R3HDM1: variants seen among roughly 807,000 people sequenced by gnomAD.
The protein encoded by R3HDM1 is R3H domain-containing protein 1.
A neutral mutation model predicts 141.1 loss-of-function variants in R3HDM1; 46 were observed. The observed-to-expected ratio is 0.33, with a 90% CI of 0.26 to 0.42. R3HDM1 has a LOEUF of 0.42. Among genes scored for constraint, R3HDM1 ranks in the 10% least tolerant of loss-of-function variants. The pLI, the probability that R3HDM1 is intolerant of heterozygous loss-of-function variation, is 1.00. For missense variants in R3HDM1, 1,184 were observed against 1,368.3 expected, an observed-to-expected ratio of 0.87 and a Z score of 2.12; for synonymous variants, 435 against 472.9, an observed-to-expected ratio of 0.92 and a Z score of 1.04.
intron 3 of R3HDM1, 153 bp downstream of exon 3, chr2:135,605,169 C>T (rs2059938100): frequency 1.7e-6 from 1 of 600,030 alleles, no homozygotes; most frequent in Non-Finnish European, 2.8e-6. Flanking sequence ...GTTGGATTAG[C>T]TTGCTGTGAG....
chr2:135,590,830 A>C, intron 1 of R3HDM1: 2 of 699,432 alleles, frequency 2.9e-6, no homozygotes, highest in Non-Finnish European at 1.8e-6. Flanking sequence ...GTTCTGCCTC[A>C]AGCTGTTTTT....
chr2:135,580,891 T>G (rs1398382108), intron 1 of R3HDM1, among the ~76,000 whole-genome samples: 1 of 152,182 alleles, frequency 6.6e-6, no homozygotes, highest in Non-Finnish European at 1.5e-5. Flanking sequence ...TTCTTCTAAT[T>G]CTTTGTCTTA....
intron 6 of R3HDM1, 116 bp downstream of exon 6, chr2:135,621,724 T>C (rs978641146): frequency 1.5e-6 from 2 of 1,333,974 alleles, no homozygotes; most frequent in African/African-American, 1.5e-5. Flanking sequence ...CAGAACAGAC[T>C]GGAAGGATGA....
At chr2:135,580,590 T>G (rs1706589099) in intron 1 of R3HDM1, among the ~76,000 whole-genome samples, 1 of 152,158 alleles carries the variant, frequency 6.6e-6, no homozygotes, top group South Asian at 2.1e-4. Flanking sequence ...AAGTGAAAAA[T>G]CTGTACATGT....
intron 1 of R3HDM1, among the ~76,000 whole-genome samples, chr2:135,577,414 CAAAAAAAAAAAAAA>C (rs35038268): frequency 3.1e-3 from 49 of 15,806 alleles, no homozygotes; most frequent in African/African-American, 7.2e-3. Flanking sequence ...ATTAAATGAC[CAAAAAAAAAAAAAA>C]AAAAAAAAAA....
At position 135,723,116 on chromosome 2, in the gene R3HDM1, T is replaced by A. The variant is rs527816115; in HGVS notation, c.3049+563T>A. On this transcript the variant is annotated intron_variant, in intron 26 of 26. Transcript: ENST00000683871. ...TGACATCAGTAGCTTAATTTTATTTTTTTTATTTATTTATTTATTTTTGAG... is the reference window on the plus strand; with the variant it reads ...TGACATCAGTAGCTTAATTTTATTTATTTTATTTATTTATTTATTTTTGAG... Among the ~76,000 whole-genome samples the A allele has an allele frequency of 5.3e-5, 8 of 152,194 alleles. No homozygotes were observed. In the East Asian group the frequency reaches 1.2e-3, roughly 22 times the overall value.
At chr2:135,631,601 TACTG>T in intron 7 of R3HDM1, 113 bp from the exon 8 acceptor site, 1 of 692,608 alleles carries the variant, frequency 1.4e-6, no homozygotes. Flanking sequence ...ATTGGGGTAA[TACTG>T]AATGTATAGT....
At chr2:135,565,598 G>A (rs888564749) in intron 1 of R3HDM1, 1 of 151,808 alleles carries the variant, frequency 6.6e-6, no homozygotes, top group Non-Finnish European at 1.5e-5. Flanking sequence ...TTCTTTGGCT[G>A]TTTCAGGTAT....
chr2:135,647,982 C>G (rs971356546), intron 16 of R3HDM1, among the ~76,000 whole-genome samples: 1 of 152,148 alleles, frequency 6.6e-6, no homozygotes, highest in Non-Finnish European at 1.5e-5. Context: ...ATAGTACTTT[C>G]CTTAATCCCC....
At chr2:135,561,255 T>C (rs961215420) in intron 1 of R3HDM1, 1 of 978,988 alleles carries the variant, frequency 1.0e-6, no homozygotes, top group South Asian at 4.7e-5. Context: ...ATTTTTCTCT[T>C]TTTAGTGAGC....
intron 22 of R3HDM1, 105 bp downstream of exon 22, chr2:135,709,641 G>A (rs1444547514): frequency 4.8e-5 from 64 of 1,327,180 alleles, no homozygotes; most frequent in Non-Finnish European, 6.6e-5. Flanking sequence ...GTGATGTGCT[G>A]AAATACACCC....
chr2:135,671,403 C>CT (rs995367304), intron 19 of R3HDM1, among the ~76,000 whole-genome samples: 1 of 151,832 alleles, frequency 6.6e-6, no homozygotes, highest in Non-Finnish European at 1.5e-5. Context: ...GAGTTTCGCT[C>CT]TTGTCGCCCA....
intron 1 of R3HDM1, among the ~76,000 whole-genome samples, chr2:135,574,025 C>T (rs1704772108): frequency 6.6e-6 from 1 of 151,566 alleles, no homozygotes; most frequent in South Asian, 2.1e-4. Flanking sequence ...AGGATAAAAG[C>T]AGAAATTAAT....
At chr2:135,622,094 G>A (rs2061563715) in intron 6 of R3HDM1, 1 of 982,402 alleles carries the variant, frequency 1.0e-6, no homozygotes, top group South Asian at 4.7e-5. Flanking sequence ...ATGTTGACCA[G>A]TATTATAAAT....
intron 5 of R3HDM1, among the ~76,000 whole-genome samples, chr2:135,619,223 A>G (rs909841352): frequency 5.9e-5 from 9 of 152,196 alleles, no homozygotes; most frequent in Non-Finnish European, 1.0e-4. Flanking sequence ...AAATCTGTTA[A>G]TACAGAGGAA....
At chr2:135,632,222 G>A (rs937252819) in intron 9 of R3HDM1, among the ~76,000 whole-genome samples, 2 of 151,270 alleles carry the variant, frequency 1.3e-5, no homozygotes, top group Non-Finnish European at 2.9e-5. Context: ...GGGGCATATG[G>A]TAAAAAAATA....
chr2:135,685,659 C>T (rs1207078087), intron 21 of R3HDM1, among the ~76,000 whole-genome samples: 1 of 152,164 alleles, frequency 6.6e-6, no homozygotes, highest in Non-Finnish European at 1.5e-5. Flanking sequence ...TGAGACTCTT[C>T]ATCATGGAAT....
At position 135,675,455 on chromosome 2, in the gene R3HDM1, T is replaced by G; in HGVS notation, c.2276T>G (p.Val759Gly). Residue 759 changes from valine to glycine, a missense_variant, in exon 20 of 27, where the codon GTC (valine) becomes GGC (glycine). Physicochemically the swap from Val to Gly is moderately radical, Grantham distance 109. Around this residue, in one of 5 missense-constraint regions of R3HDM1, gnomAD observed 563 missense variants for 562.0 expected, o/e 1.00. Coordinates refer to ENST00000683871, the MANE Select transcript of R3HDM1 (RefSeq NM_001378107.1). The part of the protein sequence containing the change: ...NSIGNQIQGV[V>G]IPYTSVPTYQ... ...ATTGGAAATCAGATTCAAGGAGTGG[T>G]CATCCCCTATACTTCAGTGCCAACA... 11 of 1,613,960 alleles carry G rather than the reference T, an allele frequency of 6.8e-6. No individual in the cohort carries two copies. Among genetic ancestry groups the G allele is most frequent in the Non-Finnish European group, 9.3e-6 (11 of 1,179,880 alleles).
intron 20 of R3HDM1, 151 bp from the exon 21 acceptor site, chr2:135,680,022 G>A (rs915468723): frequency 9.3e-6 from 7 of 752,502 alleles, no homozygotes; most frequent in Admixed American, 5.7e-5. Context: ...AGGGGTTGCA[G>A]TGAGCCAAGA....
Sources: allele counts gnomAD v4.1 joint callset (sites outside exome capture counted in the v4.1 genomes callset), GRCh38; gene constraint gnomAD v4.1.1; regional missense constraint gnomAD v4.1.1; transcripts MANE v1.5; gene names NCBI Gene and HGNC (gene_info 2026-07-23, HGNC 2026-07-21).